The following MAMSTR variants were observed in gnomAD, a reference collection of about 807,000 sequenced individuals.
The protein encoded by MAMSTR is MEF2 activating motif and SAP domain containing transcriptional regulator.
Under a neutral mutation model 42.7 loss-of-function variants are expected in MAMSTR, and 41 were observed. The ratio of observed to expected loss-of-function variants is 0.96; its 90% CI spans 0.75 to 1.25. The LOEUF is 1.25. Among genes scored for constraint, MAMSTR ranks in the 50% most tolerant of loss-of-function variants. MAMSTR has a pLI of 0.00. For synonymous variants in MAMSTR, 265 were observed against 244.1 expected, an observed-to-expected ratio of 1.09 and a Z score of -0.80; for missense variants, 567 against 557.6, an observed-to-expected ratio of 1.02 and a Z score of -0.17.
the MAMSTR span, among the ~76,000 whole-genome samples, chr19:48,707,299 C>T: frequency 6.6e-6 from 1 of 151,926 alleles, no homozygotes; most frequent in African/African-American, 2.4e-5. Context: ...ACCTGTAGTC[C>T]CAGCTACTCG....
chr19:48,713,286 A>G lies in MAMSTR; in HGVS notation c.1229T>C (p.Leu410Pro), dbSNP rs200133856. The G allele has an allele frequency of 1.4e-5, 22 of 1,600,866 alleles. No homozygotes were observed. Among genetic ancestry groups the G allele is most frequent in the Non-Finnish European group, 3.4e-6 (4 of 1,176,524 alleles). ...AATCCATCACCATGGATCCTCCAGCAGGTCCCACAGCCGGCTGCTGCTGGA... is the reference window on the plus strand; with the variant it reads ...AATCCATCACCATGGATCCTCCAGCGGGTCCCACAGCCGGCTGCTGCTGGA... ...SDSSSSRLWD[L>P]LEDPW The change falls in exon 10 of 10, where the codon CTG becomes CCG. Residue 410 changes from leucine to proline, a missense_variant. Transcript: ENST00000318083.
rs1385650193 is a variant in MAMSTR at position 48,715,533 on chromosome 19, G to A, written c.241-87C>T. Reference sequence around the variant, plus strand: ...TACATGCAAAGTATGGGGTCAGCTCGGTGCCACCGAAGAGGAGCAAAAATG... The same window carrying A: ...TACATGCAAAGTATGGGGTCAGCTCAGTGCCACCGAAGAGGAGCAAAAATG... On this transcript the variant is annotated intron_variant, in intron 4 of 9. Coordinates refer to ENST00000318083, the MANE Select transcript of MAMSTR (RefSeq NM_001130915.2). 10 of 1,473,010 alleles carry A rather than the reference G, an allele frequency of 6.8e-6. No individual in the cohort carries two copies. The South Asian group carries it at 9.8e-5, about 14-fold the overall frequency. The allele number at this position is 1,473,010 out of a possible 1,614,324, so 91.2% of individuals were successfully genotyped here. A position where few individuals can be genotyped will look rare whatever the true frequency, so the allele number is the denominator to read the frequency against.
chr19:48,708,234 A>AC (rs2032682637), downstream of MAMSTR, among the ~76,000 whole-genome samples: 7 of 39,850 alleles, frequency 1.8e-4, no homozygotes, highest in Non-Finnish European at 5.5e-4. Context: ...ACTCCATCAA[A>AC]AAAAAAAAAA....
At position 48,719,189 on chromosome 19, in the gene MAMSTR, C is replaced by T; in HGVS notation, c.-21-137G>A. 1 of 631,500 alleles carries T rather than the reference C, an allele frequency of 1.6e-6. No individual in the cohort carries two copies. The highest frequency in any genetic ancestry group is 2.8e-5 in the East Asian group (1 of 35,232). The allele number at this position is 631,500 out of a possible 1,614,324, so 39.1% of individuals were successfully genotyped here. ...GAATAGGAGCAGCCTTGGGCCATAA[C>T]TTCCGGATCCCAGGGGCTGTAGAGG... On this transcript the variant is annotated intron_variant, in intron 1 of 9. Transcript: ENST00000318083. This position sits in a 1 kb window ranked among gnomAD's most constrained non-coding sequence, Gnocchi z 4.4.
chr19:48,717,003 C>G (rs2033068570), intron 2 of MAMSTR: 15 of 1,129,170 alleles, frequency 1.3e-5, no homozygotes, highest in Non-Finnish European at 1.6e-5. Context: ...CAGCCCTGCC[C>G]CCGGCTCCAC....
intron 2 of MAMSTR, among the ~76,000 whole-genome samples, chr19:48,718,235 A>T (rs1159442662): frequency 6.6e-6 from 1 of 152,056 alleles, no homozygotes; most frequent in African/African-American, 2.4e-5. Context: ...TTTTCTCTGG[A>T]CATATGCGCC....
chr19:48,718,716 C>G (rs2033143751), intron 2 of MAMSTR, among the ~76,000 whole-genome samples: 1 of 152,156 alleles, frequency 6.6e-6, no homozygotes, highest in Non-Finnish European at 1.5e-5. Context: ...GCCTTTGTTT[C>G]TCTTCAGTGC....
the MAMSTR span, among the ~76,000 whole-genome samples, chr19:48,706,373 C>G: frequency 6.6e-6 from 1 of 150,840 alleles, no homozygotes; most frequent in Non-Finnish European, 1.5e-5. Context: ...TGCAGTGGCT[C>G]ACACCTGTAA....
intron 6 of MAMSTR, 108 bp from the exon 7 acceptor site, chr19:48,714,668 G>C: frequency 8.1e-7 from 1 of 1,233,304 alleles, no homozygotes; most frequent in Non-Finnish European, 1.2e-6. Context: ...CTGGGGGTCC[G>C]GACTCCTGGG....
chr19:48,715,742 T>C lies in MAMSTR; in HGVS notation c.123A>G (p.Ser41=), dbSNP rs1337465388. The C allele has an allele frequency of 6.5e-7, 1 of 1,542,402 alleles. No individual in the cohort carries two copies. The highest frequency in any genetic ancestry group is 8.7e-7 in the Non-Finnish European group (1 of 1,144,704). The change falls in exon 4 of 10, where the codon TCA becomes TCG. Residue 41 remains serine, a synonymous_variant. Transcript: ENST00000318083. ...EQISDPDPWI[S]ASDPPLAPAL... is the part of the protein sequence containing the mutation. The stretch of plus-strand genomic sequence containing the variant: ...CCGGGGCCAGAGGAGGGTCTGAGGC[T>C]GAGATCCACGGGTCCGGATCCGAGA...
At chr19:48,716,981 G>C in intron 2 of MAMSTR, 1 of 1,156,476 alleles carries the variant, frequency 8.6e-7, no homozygotes, top group Non-Finnish European at 1.1e-6. Context: ...CAGCCAGCGT[G>C]CAGGCTGGAG....
At chr19:48,712,043 A>C (rs1380895720), downstream of MAMSTR, among the ~76,000 whole-genome samples, 1 of 152,072 alleles carries the variant, frequency 6.6e-6, no homozygotes, top group African/African-American at 2.4e-5. Context: ...GGTGTGAGCC[A>C]CCGTGCCCGG....
At chr19:48,716,950 C>T in intron 2 of MAMSTR, 1 of 1,184,640 alleles carries the variant, frequency 8.4e-7, no homozygotes, top group Non-Finnish European at 1.0e-6. Flanking sequence ...CGCGGGCCAG[C>T]GCCATTCTGG....
Position 48,713,416 on chromosome 19 carries a change from T to C in MAMSTR, c.1099A>G (p.Arg367Gly). 1.9e-6 allele frequency: 3 copies of C among 1,612,592 alleles called. No individual in the cohort carries two copies. Among genetic ancestry groups the C allele is most frequent in the Non-Finnish European group, 2.5e-6 (3 of 1,179,582 alleles). The change falls in exon 10 of 10, where the codon AGG (arginine) becomes GGG (glycine). Residue 367 changes from arginine (R) to glycine (G), a missense_variant. By Grantham distance (125) the Arg-to-Gly change is moderately radical. Coordinates refer to ENST00000318083, the MANE Select transcript of MAMSTR (RefSeq NM_001130915.2). ...CAGTCCAGGGAGTCCGTGGGGTCCC[T>C]GGGAGAAGGGGAGGAGGAGTTCGTG... The part of the protein sequence containing the change: ...SPTNSSSPSP[R>G]DPTDSLDWLE...
downstream of MAMSTR, among the ~76,000 whole-genome samples, chr19:48,712,485 G>A (rs759018400): frequency 6.6e-6 from 1 of 150,510 alleles, no homozygotes; most frequent in Non-Finnish European, 1.5e-5. Context: ...GCAATGGAGC[G>A]ATCTTAGCTC....
intron 2 of MAMSTR, among the ~76,000 whole-genome samples, chr19:48,718,039 C>T (rs1173126488): frequency 6.6e-6 from 1 of 152,290 alleles, no homozygotes; most frequent in African/African-American, 2.4e-5. Context: ...GACATGGTTT[C>T]GCCATGTTGG....
intron 5 of MAMSTR, among the ~76,000 whole-genome samples, 173 bp from the exon 6 acceptor site, chr19:48,715,081 A>G (rs745589196): frequency 6.6e-6 from 1 of 151,658 alleles, no homozygotes; most frequent in African/African-American, 2.4e-5. Context: ...GGGAGGAGGA[A>G]CTAGGCGTTC....
Position 48,713,465 on chromosome 19 carries a change from A to C in MAMSTR, c.1050T>G (p.Val350=). 2 of 1,612,764 alleles carry C rather than the reference A, an allele frequency of 1.2e-6. No individual in the cohort carries two copies. ...TGGGAGACGGGAGTGAAGAGGAGAAAACAGATGAGAGGCCTTCAGAGTCCG... is the reference window on the plus strand; with the variant it reads ...TGGGAGACGGGAGTGAAGAGGAGAACACAGATGAGAGGCCTTCAGAGTCCG... The part of the protein sequence containing the change: ...PSPDSEGLSS[V]FSSSLPSPTN... Residue 350 remains valine (V), a synonymous_variant, in exon 10 of 10, where the codon GTT becomes GTG. Coordinates refer to ENST00000318083, the MANE Select transcript of MAMSTR (RefSeq NM_001130915.2).
chr19:48,711,739 GTTTTTTTTTTTT>G (rs34890088), downstream of MAMSTR, among the ~76,000 whole-genome samples: 1 of 76,238 alleles, frequency 1.3e-5, no homozygotes, highest in Non-Finnish European at 2.3e-5. Flanking sequence ...TACCTGGCTA[GTTTTTTTTTTTT>G]TTTTTTTTTT....
Sources: allele counts gnomAD v4.1 joint callset (sites outside exome capture counted in the v4.1 genomes callset), GRCh38; gene constraint gnomAD v4.1.1; non-coding constraint Gnocchi (gnomAD v3.1); transcripts MANE v1.5; gene names NCBI Gene and HGNC (gene_info 2026-07-23, HGNC 2026-07-21).